CBR4: variants seen among roughly 807,000 people sequenced by gnomAD.
CBR4 encodes the protein carbonyl reductase 4, also known as 3-oxoacyl-[acyl-carrier-protein] reductase.
A neutral mutation model predicts 21.0 loss-of-function variants in CBR4; 22 were observed. The observed-to-expected ratio is 1.05, with a 90% CI of 0.75 to 1.50. CBR4 has a LOEUF of 1.50. CBR4 is among the 40% of genes most tolerant of loss of function. CBR4 has a pLI of 0.00. For synonymous variants in CBR4, 100 were observed against 104.4 expected, an observed-to-expected ratio of 0.96 and a Z score of 0.26; for missense variants, 302 against 286.3, an observed-to-expected ratio of 1.05 and a Z score of -0.40.
Position 168,988,869 on chromosome 4 carries a change from T to G in CBR4, c.*1281A>C. On this transcript the variant is annotated 3_prime_UTR_variant, in exon 5 of 5. Coordinates refer to ENST00000306193, the MANE Select transcript of CBR4 (RefSeq NM_032783.5). ...TATTAGTATATCCTATTCATAATTT[T>G]GCACTGACTTTCAATATAAAATTAA... The G allele has an allele frequency of 9.3e-6, 9 of 966,164 alleles. No homozygotes were observed. The highest frequency in any genetic ancestry group is 1.1e-5 in the Non-Finnish European group (9 of 812,340). The allele number at this position is 966,164 out of a possible 1,614,324, so 59.8% of individuals were successfully genotyped here.
intron 2 of CBR4, among the ~76,000 whole-genome samples, chr4:168,949,614 G>A (rs924029151): frequency 1.3e-5 from 2 of 151,966 alleles, no homozygotes; most frequent in African/African-American, 4.8e-5. Context: ...TTCCACATCT[G>A]GGTAATGCTG....
At chr4:168,932,175 T>C (rs547875815) in intron 2 of CBR4, among the ~76,000 whole-genome samples, 202 of 151,750 alleles carry the variant, frequency 1.3e-3, no homozygotes, top group Non-Finnish European at 2.3e-3. Context: ...AAAGAGAATA[T>C]AGCTAAACTG....
rs1754735242 is a variant in CBR4 at position 168,894,655 on chromosome 4, C to T, written n.280G>A. On this transcript the variant is annotated non_coding_transcript_exon_variant, in exon 3 of 4. Transcript: ENST00000509108. Reference sequence around the variant, plus strand: ...GCAACTGTCTTTAATATTCAGGAGCCAGAAGAGGAAACAGCTAATCAGGTA... The same window carrying T: ...GCAACTGTCTTTAATATTCAGGAGCTAGAAGAGGAAACAGCTAATCAGGTA... 1 of 1,613,628 alleles carries T rather than the reference C, an allele frequency of 6.2e-7. No homozygotes were observed. Among genetic ancestry groups the T allele is most frequent in the Non-Finnish European group, 8.5e-7 (1 of 1,179,670 alleles).
At chr4:168,930,721 AT>A (rs1236434931) in intron 2 of CBR4, among the ~76,000 whole-genome samples, 2 of 152,164 alleles carry the variant, frequency 1.3e-5, no homozygotes, top group African/African-American at 2.4e-5. Context: ...ATGCCCCTGC[AT>A]CCCCCAACTC....
intron 2 of CBR4, among the ~76,000 whole-genome samples, chr4:168,905,790 C>CTTTCTTTTT (rs1757627059): frequency 8.8e-6 from 1 of 113,096 alleles, no homozygotes. Flanking sequence ...GCTTTTTTTT[C>CTTTCTTTTT]TTTTTTTTTT....
At chr4:168,961,630 C>T (rs1174372298) in intron 2 of CBR4, among the ~76,000 whole-genome samples, 1 of 152,142 alleles carries the variant, frequency 6.6e-6, no homozygotes, top group Non-Finnish European at 1.5e-5. Context: ...TGGCTCATGC[C>T]TGTAATCCCA....
intron 2 of CBR4, among the ~76,000 whole-genome samples, chr4:168,964,418 A>G (rs181751143): frequency 3.3e-5 from 5 of 152,336 alleles, no homozygotes; most frequent in African/African-American, 1.2e-4. Context: ...CAATCGAAAC[A>G]CACAATCCAA....
chr4:168,923,386 G>C (rs561142937), intron 2 of CBR4, among the ~76,000 whole-genome samples: 1 of 152,204 alleles, frequency 6.6e-6, no homozygotes, highest in South Asian at 2.1e-4. Flanking sequence ...CTCCAGATGA[G>C]GGAGTAGTGG....
intron 2 of CBR4, among the ~76,000 whole-genome samples, chr4:168,947,821 A>T (rs1763434328): frequency 6.6e-6 from 1 of 152,192 alleles, no homozygotes; most frequent in South Asian, 2.1e-4. Flanking sequence ...GCAATTGTGA[A>T]TTATGCTGCT....
intron 2 of CBR4, among the ~76,000 whole-genome samples, chr4:168,908,083 G>T (rs1047488583): frequency 1.3e-5 from 2 of 152,200 alleles, no homozygotes; most frequent in Non-Finnish European, 2.9e-5. Context: ...AGAGAATTTT[G>T]ATATTTATGC....
intron 2 of CBR4, among the ~76,000 whole-genome samples, chr4:168,959,713 G>A (rs1438148685): frequency 6.6e-6 from 1 of 151,294 alleles, no homozygotes; most frequent in Non-Finnish European, 1.5e-5. Flanking sequence ...TTACAGGCAT[G>A]TGCCACCATG....
intron 2 of CBR4, among the ~76,000 whole-genome samples, chr4:168,918,228 A>G (rs1291235577): frequency 2.0e-5 from 3 of 151,792 alleles, no homozygotes; most frequent in Admixed American, 6.6e-5. Flanking sequence ...ATCAGTAGCA[A>G]TATCTGCATT....
chr4:168,977,286 G>C (rs1764401622), intron 2 of CBR4, among the ~76,000 whole-genome samples: 1 of 152,122 alleles, frequency 6.6e-6, no homozygotes, highest in South Asian at 2.1e-4. Flanking sequence ...TATATGCCTA[G>C]CAGTATTGAT....
downstream of CBR4, among the ~76,000 whole-genome samples, chr4:168,985,161 C>T (rs1427055796): frequency 6.6e-6 from 1 of 152,128 alleles, no homozygotes; most frequent in East Asian, 1.9e-4. Context: ...CAACAAAGGT[C>T]TAACATCCAG....
chr4:168,956,521 C>G (rs1384835441), intron 2 of CBR4, among the ~76,000 whole-genome samples: 7 of 147,222 alleles, frequency 4.8e-5, no homozygotes, highest in African/African-American at 1.8e-4. Flanking sequence ...TTGCTTGAGC[C>G]CAGGAGGCAG....
At chr4:168,978,652 C>T (rs922455141) in intron 2 of CBR4, among the ~76,000 whole-genome samples, 70 of 152,176 alleles carry the variant, frequency 4.6e-4, no homozygotes, top group African/African-American at 1.6e-3. Context: ...ACACAGAAAG[C>T]GTGTGGAGTG....
At chr4:168,968,119 A>G (rs1224487414) in intron 2 of CBR4, among the ~76,000 whole-genome samples, 1 of 152,242 alleles carries the variant, frequency 6.6e-6, no homozygotes, top group Non-Finnish European at 1.5e-5. Flanking sequence ...TAGAGAAAAT[A>G]AAAGTCATCA....
At chr4:169,007,872 A>C in intron 1 of CBR4, 116 bp from the exon 2 acceptor site, 1 of 635,988 alleles carries the variant, frequency 1.6e-6, no homozygotes, top group South Asian at 2.5e-5. Flanking sequence ...GAACCTAAAG[A>C]TTAAAAAAGT....
Position 168,915,900 on chromosome 4 carries a change from G to A in CBR4, n.170-21135C>T, listed in dbSNP as rs114171764. ...GTCATCTTTCTTGTTTCAAGGCCTC[G>A]TTCTAGATCAAGGGACAGTGGAGAC... On this transcript the variant is annotated intron_variant and non_coding_transcript_variant, in intron 2 of 3. Coordinates refer to the CBR4 transcript ENST00000509108. 126 of 1,612,730 alleles carry A rather than the reference G, an allele frequency of 7.8e-5. No individual in the cohort carries two copies. The East Asian group carries it at 2.1e-3, about 26-fold the overall frequency.
Sources: allele counts gnomAD v4.1 joint callset (sites outside exome capture counted in the v4.1 genomes callset), GRCh38; gene constraint gnomAD v4.1.1; transcripts MANE v1.5; gene names NCBI Gene and HGNC (gene_info 2026-07-23, HGNC 2026-07-21).